Variants in MACF1 observed in about 807,000 individuals in gnomAD.
The protein encoded by MACF1 is microtubule actin crosslinking factor 1, also known as microtubule-actin cross-linking factor 1.
MACF1 carries 193 observed loss-of-function variants against 854.8 expected under a neutral mutation model. That is an observed-to-expected ratio of 0.23 (90% CI 0.20 to 0.25). The LOEUF (loss-of-function observed/expected upper bound fraction) is 0.25. Among genes scored for constraint, MACF1 ranks in the 10% least tolerant of loss-of-function variants. The pLI is 1.00. For synonymous variants in MACF1, 3,185 were observed against 3,226.7 expected, an observed-to-expected ratio of 0.99 and a Z score of 0.44; for missense variants, 7,722 against 8,929.1, an observed-to-expected ratio of 0.86 and a Z score of 5.45.
At position 39,134,965 on chromosome 1, in the gene MACF1, G is replaced by A. The variant is rs1643127354; in HGVS notation, c.220+50527G>A. 3.3e-5 allele frequency among the ~76,000 whole-genome samples: 5 copies of A among 151,964 alleles called. No homozygotes were observed. The South Asian group carries it at 1.0e-3, about 32-fold the overall frequency. ...TCACCTTCCCCCTCCTTAGCCCCTG[G>A]CAACCACAATTCTACTTTCTGTTTC... is the stretch of plus-strand genomic sequence containing the variant. On this transcript the variant is annotated intron_variant, in intron 2 of 93. Transcript: ENST00000361689.
intron 2 of MACF1, among the ~76,000 whole-genome samples, chr1:39,145,459 T>C (rs143142147): frequency 6.8e-4 from 104 of 152,306 alleles, no homozygotes; most frequent in Non-Finnish European, 1.1e-3. Flanking sequence ...ATTCAGGTTT[T>C]CTCCATCCTA....
At chr1:39,207,937 C>G (rs1261619365) in intron 1 of MACF1, among the ~76,000 whole-genome samples, 1 of 151,640 alleles carries the variant, frequency 6.6e-6, no homozygotes, top group Non-Finnish European at 1.5e-5. Context: ...AATTCGAGAC[C>G]AGCCTGGTCA....
intron 1 of MACF1, among the ~76,000 whole-genome samples, chr1:39,222,428 T>C (rs116431335): frequency 0.012 from 1,826 of 152,306 alleles, 17 homozygotes; most frequent in Non-Finnish European, 0.017. Flanking sequence ...CCCAGCCTAC[T>C]TGTGCTTTTT....
intron 2 of MACF1, among the ~76,000 whole-genome samples, chr1:39,087,382 C>T (rs1442469417): frequency 1.3e-5 from 2 of 152,200 alleles, no homozygotes; most frequent in Non-Finnish European, 2.9e-5. Context: ...CCTGATGGGG[C>T]AAGCCTGGTG....
At chr1:39,421,462 T>C (rs1486361966) in intron 58 of MACF1, among the ~76,000 whole-genome samples, 1 of 152,248 alleles carries the variant, frequency 6.6e-6, no homozygotes, top group Non-Finnish European at 1.5e-5. Flanking sequence ...AGAGGAATTC[T>C]GTTTCAAGAT....
chr1:39,094,171 G>A (rs1641880110), intron 2 of MACF1, among the ~76,000 whole-genome samples: 1 of 152,090 alleles, frequency 6.6e-6, no homozygotes, highest in Admixed American at 6.6e-5. Context: ...CTGGCTGGGT[G>A]CAGTGACTCA....
Position 39,284,063 on chromosome 1 carries a change from T to C in MACF1, c.916-3T>C, listed in dbSNP as rs758243555. 1.2e-6 allele frequency: 2 copies of C among 1,613,432 alleles called. No homozygotes were observed. Among genetic ancestry groups the C allele is most frequent in the Non-Finnish European group, 1.7e-6 (2 of 1,179,792 alleles). On this transcript the variant is annotated splice_polypyrimidine_tract_variant and splice_region_variant and intron_variant, in intron 9 of 100. Coordinates refer to ENST00000564288, the MANE Select transcript of MACF1 (RefSeq NM_001394062.1). ...GTGTGTGATGTTTACCTTCTGGCAA[T>C]AGGAAGTGGACTCCAGGTGGCAAGA... is the stretch of plus-strand genomic sequence containing the variant.
chr1:39,360,042 TATATATATATACACAC>T (rs1648015922), intron 47 of MACF1, among the ~76,000 whole-genome samples: 2 of 59,314 alleles, frequency 3.4e-5, no homozygotes, highest in Non-Finnish European at 6.5e-5. Flanking sequence ...TATATATATA[TATATATATATACACAC>T]ACACACACAC....
chr1:39,178,541 G>A (rs16825889), intron 2 of MACF1, among the ~76,000 whole-genome samples: 1,955 of 152,208 alleles, frequency 0.013, 93 homozygotes, highest in East Asian at 0.13. Context: ...ATTCAGCAAC[G>A]TTCTTTCCCA....
intron 5 of MACF1, 30 bp from the exon 6 acceptor site, chr1:39,257,906 C>T (rs1645115078): frequency 6.6e-7 from 1 of 1,521,098 alleles, no homozygotes; most frequent in Non-Finnish European, 9.1e-7. Context: ...AGTCCTAGAG[C>T]TCTGAGCCGT....
chr1:39,393,197 AT>A (rs1206210169), intron 58 of MACF1, among the ~76,000 whole-genome samples: 706 of 47,112 alleles, frequency 0.015, 3 homozygotes, highest in African/African-American at 0.026. Context: ...AAAAAAAAAA[AT>A]ATATATATAT....
chr1:39,261,247 T>C (rs1645160654), intron 6 of MACF1, among the ~76,000 whole-genome samples: 1 of 152,218 alleles, frequency 6.6e-6, no homozygotes, highest in African/African-American at 2.4e-5. Context: ...TGTAGTTAGC[T>C]AAATGTTTTA....
Position 39,186,796 on chromosome 1 carries a change from T to C in MACF1, c.221-44386T>C, listed in dbSNP as rs111891907. Among the ~76,000 whole-genome samples the C allele has an allele frequency of 3.5e-3, 535 of 151,226 alleles. 3 individuals are homozygous for C. The highest frequency in any genetic ancestry group is 6.8e-3 in the Middle Eastern group (2 of 292). On this transcript the variant is annotated intron_variant, in intron 2 of 93. Coordinates refer to the MACF1 transcript ENST00000361689. ...CTAATTTTTTTTTCTTTTTGTAGAG[T>C]TGGGGGTCTTGTTTTGTTCTCCAGG...
In MACF1 at chr1:39,204,765, C is replaced by T. The variant is rs951043826; in HGVS notation, c.-258C>T. The stretch of plus-strand genomic sequence containing the variant: ...TCTCCTTGTTCCTTCTTCCCTTTCC[C>T]CTCCCCCGCTGGCCAGTTGTTTCCT... On this transcript the variant is annotated 5_prime_UTR_variant, in exon 1 of 101. Transcript: ENST00000564288. 2.4e-6 allele frequency: 1 copy of T among 410,472 alleles called. No individual in the cohort carries two copies. Among genetic ancestry groups the T allele is most frequent in the Non-Finnish European group, 4.4e-6 (1 of 226,450 alleles). 25.4% of individuals were successfully genotyped at this position (410,472 alleles called of 1,614,324 possible). A position where few individuals can be genotyped will look rare whatever the true frequency, so the allele number is the denominator to read the frequency against.
intron 45 of MACF1, among the ~76,000 whole-genome samples, chr1:39,358,115 C>T (rs1326122531): frequency 1.3e-5 from 2 of 152,244 alleles, no homozygotes; most frequent in African/African-American, 4.8e-5. Context: ...ATACCTAGCA[C>T]TGGCAGGAGT....
chr1:39,448,549 T>C, intron 83 of MACF1, 45 bp from the exon 84 acceptor site: 1 of 1,422,900 alleles, frequency 7.0e-7, no homozygotes, highest in Non-Finnish European at 9.3e-7. Context: ...AATCAAGATG[T>C]CGTCTGACTT....
At chr1:39,337,131 G>A in intron 37 of MACF1, 51 bp from the exon 38 acceptor site, 2 of 1,558,854 alleles carry the variant, frequency 1.3e-6, no homozygotes, top group South Asian at 1.2e-5. Flanking sequence ...CTTTAAAGCT[G>A]ACTTACAGGA....
intron 2 of MACF1, among the ~76,000 whole-genome samples, chr1:39,172,902 T>G (rs971878690): frequency 2.6e-5 from 4 of 152,230 alleles, no homozygotes; most frequent in Non-Finnish European, 5.9e-5. Flanking sequence ...CTTCTTGCCT[T>G]CTGGCAGACA....
intron 66 of MACF1, among the ~76,000 whole-genome samples, chr1:39,431,826 T>A (rs929199108): frequency 2.6e-5 from 4 of 152,080 alleles, no homozygotes; most frequent in Non-Finnish European, 4.4e-5. Flanking sequence ...ATTTAAAAAT[T>A]AGCCGATCAT....
Sources: allele counts gnomAD v4.1 joint callset (sites outside exome capture counted in the v4.1 genomes callset), GRCh38; gene constraint gnomAD v4.1.1; transcripts MANE v1.5; gene names NCBI Gene and HGNC (gene_info 2026-07-23, HGNC 2026-07-21).